Variants in CDH20 observed in about 807,000 individuals in gnomAD.
The protein encoded by CDH20 is cadherin-20.
CDH20 carries 29 observed loss-of-function variants against 74.2 expected under a neutral mutation model. The ratio of observed to expected loss-of-function variants is 0.39; its 90% CI spans 0.29 to 0.53. The LOEUF (loss-of-function observed/expected upper bound fraction) is 0.53, where lower values mean the gene tolerates loss of function less well. Among genes scored for constraint, CDH20 ranks in the 20% least tolerant of loss-of-function variants. The pLI is 0.69. For missense variants in CDH20, 988 were observed against 1,048.3 expected (o/e 0.94, Z 0.79); for synonymous variants, 469 against 405.4 (o/e 1.16, Z -1.88).
intron 3 of CDH20, among the ~76,000 whole-genome samples, chr18:61,500,043 T>G (rs571790950): frequency 5.8e-5 from 8 of 137,610 alleles, no homozygotes; most frequent in African/African-American, 2.0e-4. Flanking sequence ...GGTGGAGATT[T>G]CAGTGAGCTG....
At chr18:61,503,278 C>A (rs1307938817) in intron 5 of CDH20, among the ~76,000 whole-genome samples, 158 bp downstream of exon 5, 1 of 152,190 alleles carries the variant, frequency 6.6e-6, no homozygotes, top group Non-Finnish European at 1.5e-5. Flanking sequence ...TAACTATTTG[C>A]CTTCAGTGTT....
At chr18:61,548,009 A>G in intron 10 of CDH20, among the ~76,000 whole-genome samples, 1 of 152,108 alleles carries the variant, frequency 6.6e-6, no homozygotes, top group East Asian at 1.9e-4. Flanking sequence ...GATTAAACCA[A>G]AAAAATAAAA....
chr18:61,484,919 G>C (rs539250620), intron 1 of CDH20, among the ~76,000 whole-genome samples: 3 of 152,056 alleles, frequency 2.0e-5, no homozygotes, highest in Non-Finnish European at 2.9e-5. Flanking sequence ...CAGCACTCTC[G>C]CATAAACTGG....
chr18:61,430,941 C>T (rs1913233225), intron 1 of CDH20, among the ~76,000 whole-genome samples: 1 of 152,054 alleles, frequency 6.6e-6, no homozygotes, highest in African/African-American at 2.4e-5. Flanking sequence ...AGATCTGGGC[C>T]CTAGGTGTGC....
intron 1 of CDH20, among the ~76,000 whole-genome samples, chr18:61,473,284 G>A (rs1365497073): frequency 6.6e-6 from 1 of 152,204 alleles, no homozygotes; most frequent in Admixed American, 6.5e-5. Flanking sequence ...GTATCAGAAT[G>A]TATCAGAATG....
intron 1 of CDH20, among the ~76,000 whole-genome samples, chr18:61,469,188 A>G (rs1910071132): frequency 6.6e-6 from 1 of 152,156 alleles, no homozygotes; most frequent in African/African-American, 2.4e-5. Flanking sequence ...TCTGCTTCAG[A>G]TCAGAACAAC....
intron 1 of CDH20, among the ~76,000 whole-genome samples, chr18:61,345,251 T>C (rs1910078585): frequency 6.6e-6 from 1 of 152,214 alleles, no homozygotes; most frequent in African/African-American, 2.4e-5. Context: ...AAGTCTATGT[T>C]TACCATTCTT....
chr18:61,545,660 A>T (rs1042581490), intron 10 of CDH20, among the ~76,000 whole-genome samples: 2 of 152,088 alleles, frequency 1.3e-5, no homozygotes, highest in African/African-American at 4.8e-5. Context: ...ACAATAAAAT[A>T]AAAAACCCCT....
intron 1 of CDH20, among the ~76,000 whole-genome samples, chr18:61,422,147 T>C (rs1175749427): frequency 6.6e-6 from 1 of 152,158 alleles, no homozygotes; most frequent in Non-Finnish European, 1.5e-5. Flanking sequence ...CACGGTTCTT[T>C]AGCTCCATGG....
intron 11 of CDH20, among the ~76,000 whole-genome samples, chr18:61,552,442 C>T (rs1034142173): frequency 6.6e-6 from 1 of 151,716 alleles, no homozygotes; most frequent in African/African-American, 2.4e-5. Flanking sequence ...TTTCAAAAGA[C>T]GGACTAGTTC....
At chr18:61,480,637 C>G (rs1395337115) in intron 1 of CDH20, among the ~76,000 whole-genome samples, 1 of 152,188 alleles carries the variant, frequency 6.6e-6, no homozygotes, top group Non-Finnish European at 1.5e-5. Context: ...GGATGGGAGG[C>G]AGGGTTGCCC....
At chr18:61,517,662 G>A (rs1338383242) in intron 6 of CDH20, among the ~76,000 whole-genome samples, 4 of 151,878 alleles carry the variant, frequency 2.6e-5, no homozygotes, top group Admixed American at 2.0e-4. Flanking sequence ...CTGGGCAGCT[G>A]TTTGAGCAGA....
chr18:61,500,494 C>G lies in CDH20; in HGVS notation c.653C>G (p.Ser218Cys). ...GGCCAGCCATATTTTTCTGTGGACT[C>G]TAAAACAGGTATCTGATACAAGGGT... ...LQGQPYFSVD[S>C]KTGVIRTALM... The change falls in exon 4 of 12, where the codon TCT (serine) becomes TGT (cysteine). Residue 218 changes from serine (S) to cysteine (C), a missense_variant. Ser to Cys is a moderately radical substitution (Grantham distance 112, BLOSUM62 -1). Coordinates refer to ENST00000262717, the MANE Select transcript of CDH20 (RefSeq NM_031891.4). The G allele has an allele frequency of 1.2e-6, 2 of 1,608,840 alleles. No homozygotes were observed. The highest frequency in any genetic ancestry group is 8.5e-7 in the Non-Finnish European group (1 of 1,176,692).
intron 1 of CDH20, among the ~76,000 whole-genome samples, chr18:61,417,607 T>TAAAAAAAAAAAAAAAAAA (rs1912731943): frequency 2.2e-5 from 1 of 45,800 alleles, no homozygotes; most frequent in African/African-American, 8.2e-5. Context: ...AAAAAAAAAT[T>TAAAAAAAAAAAAAAAAAA]GAATTCATGG....
chr18:61,487,804 G>A (rs1910818489), intron 1 of CDH20, among the ~76,000 whole-genome samples: 1 of 152,108 alleles, frequency 6.6e-6, no homozygotes, highest in Admixed American at 6.5e-5. Flanking sequence ...AGGGGGATAG[G>A]GGGTTTTAAT....
At chr18:61,507,701 C>T in intron 6 of CDH20, 141 bp downstream of exon 6, 1 of 526,132 alleles carries the variant, frequency 1.9e-6, no homozygotes, top group Non-Finnish European at 3.1e-6. Flanking sequence ...AAAAAAAAAA[C>T]ACACAGAAAA....
chr18:61,334,248 A>T (rs956596053), intron 1 of CDH20: 1 of 152,086 alleles, frequency 6.6e-6, no homozygotes, highest in Non-Finnish European at 1.5e-5. Flanking sequence ...CAGAGGGGAC[A>T]GGGTGGCCGC....
chr18:61,399,560 G>A (rs558947123), intron 1 of CDH20, among the ~76,000 whole-genome samples: 1 of 152,010 alleles, frequency 6.6e-6, no homozygotes, highest in Admixed American at 6.6e-5. Context: ...TTTCCCCACT[G>A]GAAAACATAC....
chr18:61,382,009 A>T (rs1017172605), intron 1 of CDH20, among the ~76,000 whole-genome samples: 3 of 152,084 alleles, frequency 2.0e-5, no homozygotes, highest in African/African-American at 4.8e-5. Flanking sequence ...TTCCATATCC[A>T]AAACGTCTCT....
Sources: gnomAD v4.1 joint callset for allele counts (sites outside exome capture counted in the v4.1 genomes callset) on GRCh38, gnomAD v4.1.1 for gene constraint, MANE v1.5 for transcripts, NCBI Gene and HGNC (gene_info 2026-07-23, HGNC 2026-07-21) for gene names.